Variants in PKIA observed in about 807,000 individuals in gnomAD.
PKIA encodes cAMP-dependent protein kinase inhibitor alpha.
In PKIA, 4 loss-of-function variants were observed where a neutral mutation model predicts 7.6. The observed-to-expected ratio is 0.52, with a 90% CI of 0.26 to 1.20. The LOEUF is 1.20. Among genes scored for constraint, PKIA ranks in the 50% most tolerant of loss-of-function variants. PKIA has a pLI of 0.13. For missense variants in PKIA, 73 were observed against 86.2 expected, an observed-to-expected ratio of 0.85 and a Z score of 0.61; for synonymous variants, 21 against 30.7, an observed-to-expected ratio of 0.68 and a Z score of 1.04.
chr8:78,525,098 G>T (rs1809516317), intron 1 of PKIA, among the ~76,000 whole-genome samples: 2 of 151,452 alleles, frequency 1.3e-5, no homozygotes, highest in Admixed American at 6.6e-5. Context: ...GAAATTAGAG[G>T]TGAATCATAT....
intron 2 of PKIA, among the ~76,000 whole-genome samples, chr8:78,595,561 T>G (rs890576032): frequency 6.6e-6 from 1 of 152,150 alleles, no homozygotes; most frequent in Non-Finnish European, 1.5e-5. Context: ...TACCCTATAG[T>G]TTTTTGATCC....
chr8:78,524,195 T>TA (rs1809495063), intron 1 of PKIA, among the ~76,000 whole-genome samples: 3 of 126,776 alleles, frequency 2.4e-5, no homozygotes, highest in African/African-American at 1.1e-4. Context: ...TATATAAACA[T>TA]TTATATTTAT....
intron 1 of PKIA, among the ~76,000 whole-genome samples, chr8:78,562,098 T>A (rs774807506): frequency 1.3e-5 from 2 of 152,120 alleles, no homozygotes; most frequent in Non-Finnish European, 2.9e-5. Flanking sequence ...TTATCGAGCC[T>A]CCAGTTAATA....
chr8:78,523,039 C>G (rs1374373923), intron 1 of PKIA, among the ~76,000 whole-genome samples: 1 of 151,888 alleles, frequency 6.6e-6, no homozygotes, highest in Non-Finnish European at 1.5e-5. Context: ...AAGACAGTCT[C>G]TATTGCATCG....
chr8:78,525,187 G>A (rs140884320), intron 1 of PKIA, among the ~76,000 whole-genome samples: 114 of 151,740 alleles, frequency 7.5e-4, no homozygotes, highest in African/African-American at 2.7e-3. Flanking sequence ...AGGAAAACAT[G>A]ACATTCCCCT....
chr8:78,524,952 C>T (rs1051185382), intron 1 of PKIA, among the ~76,000 whole-genome samples: 2 of 151,850 alleles, frequency 1.3e-5, no homozygotes, highest in African/African-American at 2.4e-5. Flanking sequence ...CCCCCCAATA[C>T]AAAATGATTG....
intron 2 of PKIA, among the ~76,000 whole-genome samples, chr8:78,593,698 A>G (rs1808158878): frequency 6.6e-6 from 1 of 152,318 alleles, no homozygotes; most frequent in African/African-American, 2.4e-5. Context: ...TTACTCATAG[A>G]CAGGCTGCCT....
rs899950094 is a variant in PKIA, at chr8:78,531,384, C to T, written c.-157+14916C>T. 3.9e-5 allele frequency among the ~76,000 whole-genome samples: 6 copies of T among 152,164 alleles called. No individual in the cohort carries two copies. The East Asian group carries it at 1.2e-3, about 29-fold the overall frequency. On this transcript the variant is annotated intron_variant, in intron 1 of 3. Transcript: ENST00000396418. ...AGAAACTGAAGAAATGGCGTTTTTC[C>T]TCCATTTAGCTGATCAGCTATTCAC...
intron 2 of PKIA, among the ~76,000 whole-genome samples, chr8:78,592,990 A>C (rs1808138469): frequency 6.6e-6 from 1 of 152,224 alleles, no homozygotes; most frequent in South Asian, 2.1e-4. Context: ...AGTTTAAGTC[A>C]TGGTAATATG....
chr8:78,598,629 T>A, intron 3 of PKIA, 94 bp downstream of exon 3: 1 of 933,042 alleles, frequency 1.1e-6, no homozygotes, highest in African/African-American at 1.6e-5. Context: ...TCTTTGAAAG[T>A]AATCTAATGT....
chr8:78,549,490 T>G (rs1806925998), intron 1 of PKIA, among the ~76,000 whole-genome samples: 1 of 151,996 alleles, frequency 6.6e-6, no homozygotes, highest in Non-Finnish European at 1.5e-5. Context: ...TATTTGTAAT[T>G]TTGTATAATT....
intron 1 of PKIA, among the ~76,000 whole-genome samples, chr8:78,533,314 CTTACA>C (rs1379915317): frequency 2.6e-5 from 4 of 152,180 alleles, no homozygotes; most frequent in African/African-American, 9.7e-5. Flanking sequence ...ATAATTTGTA[CTTACA>C]TTAACACTGA....
intron 1 of PKIA, among the ~76,000 whole-genome samples, chr8:78,532,478 C>T (rs1302820826): frequency 1.3e-5 from 2 of 149,336 alleles, no homozygotes; most frequent in African/African-American, 2.5e-5. Flanking sequence ...CCACTGCACT[C>T]CAGCCTGGGT....
At chr8:78,579,149 C>A (rs1401369297) in intron 2 of PKIA, among the ~76,000 whole-genome samples, 2 of 151,986 alleles carry the variant, frequency 1.3e-5, no homozygotes, top group Non-Finnish European at 2.9e-5. Context: ...CTCTACCTCT[C>A]ACCGTCTTCA....
At chr8:78,595,426 TG>T (rs1335779446) in intron 2 of PKIA, among the ~76,000 whole-genome samples, 1 of 152,182 alleles carries the variant, frequency 6.6e-6, no homozygotes, top group Non-Finnish European at 1.5e-5. Flanking sequence ...GGTTTATTTT[TG>T]TTTGTTTCAC....
At chr8:78,560,032 C>T (rs1807246783) in intron 1 of PKIA, among the ~76,000 whole-genome samples, 1 of 152,064 alleles carries the variant, frequency 6.6e-6, no homozygotes, top group African/African-American at 2.4e-5. Context: ...TATTTGATAT[C>T]ATTTTGACTT....
chr8:78,599,485 A>C (rs1808305742), intron 3 of PKIA, among the ~76,000 whole-genome samples: 1 of 152,068 alleles, frequency 6.6e-6, no homozygotes, highest in Admixed American at 6.6e-5. Context: ...GCTCAGCAAC[A>C]TTACTTTAAA....
At chr8:78,537,470 C>A (rs974504567) in intron 1 of PKIA, among the ~76,000 whole-genome samples, 1 of 151,910 alleles carries the variant, frequency 6.6e-6, no homozygotes, top group African/African-American at 2.4e-5. Context: ...CTAAAAAGCC[C>A]TTTCTAATCT....
chr8:78,589,598 G>A (rs1415438098), intron 2 of PKIA, among the ~76,000 whole-genome samples: 2 of 152,108 alleles, frequency 1.3e-5, no homozygotes, highest in Non-Finnish European at 2.9e-5. Flanking sequence ...AAGCAAGGTG[G>A]GGGTGGGCAG....
Sources: allele counts gnomAD v4.1 joint callset (sites outside exome capture counted in the v4.1 genomes callset), GRCh38; gene constraint gnomAD v4.1.1; transcripts MANE v1.5; gene names NCBI Gene and HGNC (gene_info 2026-07-23, HGNC 2026-07-21).